Variants in PCDHA1 observed in about 807,000 individuals in gnomAD.
PCDHA1 encodes protocadherin alpha 1.
PCDHA1 carries 42 observed loss-of-function variants against 61.3 expected under a neutral mutation model. That is an observed-to-expected ratio of 0.69 (90% CI 0.54 to 0.89). The LOEUF is 0.89. Ranked by LOEUF, PCDHA1 falls within the 40% of genes least tolerant of loss-of-function variation. The probability of loss-of-function intolerance (pLI) is 0.00; values close to 1 mark genes in which losing one functional copy is unlikely to be tolerated. For missense variants in PCDHA1, 1,256 were observed against 1,235.3 expected (o/e 1.02, Z -0.25); for synonymous variants, 610 against 553.8 (o/e 1.10, Z -1.43).
At chr5:140,983,470 A>G (rs782117929) in intron 3 of PCDHA1, among the ~76,000 whole-genome samples, 16 of 152,224 alleles carry the variant, frequency 1.1e-4, no homozygotes, top group Non-Finnish European at 1.5e-4. Context: ...CATCATGATG[A>G]TAATAGTAGT....
intron 1 of PCDHA1, among the ~76,000 whole-genome samples, chr5:140,892,088 C>T (rs782787174): frequency 1.3e-5 from 2 of 152,122 alleles, no homozygotes; most frequent in Non-Finnish European, 2.9e-5. Flanking sequence ...AGTTTCCTCT[C>T]GAAACTTTCA....
At chr5:140,792,508 C>T (rs1351285669) in intron 1 of PCDHA1, among the ~76,000 whole-genome samples, 3 of 152,162 alleles carry the variant, frequency 2.0e-5, no homozygotes, top group African/African-American at 7.2e-5. Context: ...AATCTCTTTT[C>T]CCCGTTGTGG....
At chr5:140,828,652 T>C (rs1357911961) in intron 1 of PCDHA1, 8 of 1,614,198 alleles carry the variant, frequency 5.0e-6, no homozygotes, top group South Asian at 1.1e-5. Flanking sequence ...TAAACAGTGA[T>C]GACAATAAAC....
At chr5:140,841,755 C>A (rs2150322270) in intron 1 of PCDHA1, 2 of 1,613,886 alleles carry the variant, frequency 1.2e-6, no homozygotes, top group South Asian at 2.2e-5. Context: ...GTTTCAGAAT[C>A]CAGAATGCCA....
At chr5:140,979,051 G>T (rs1554240209) in intron 2 of PCDHA1, 44 bp downstream of exon 2, 1 of 1,609,534 alleles carries the variant, frequency 6.2e-7, no homozygotes, top group South Asian at 1.1e-5. Flanking sequence ...ACCTTAACTT[G>T]GTATGGCTCA....
chr5:140,822,764 C>T, intron 1 of PCDHA1: 1 of 1,613,898 alleles, frequency 6.2e-7, no homozygotes, highest in Admixed American at 1.7e-5. Context: ...TTCCCATTAT[C>T]AGGACACTGT....
chr5:140,814,848 C>G (rs1554126621), intron 1 of PCDHA1: 1 of 152,052 alleles, frequency 6.6e-6, no homozygotes, highest in African/African-American at 2.4e-5. Flanking sequence ...TGAATGTTTG[C>G]CTCATATATT....
intron 1 of PCDHA1, among the ~76,000 whole-genome samples, chr5:140,792,511 C>G (rs771248789): frequency 1.3e-5 from 2 of 152,128 alleles, no homozygotes; most frequent in Non-Finnish European, 2.9e-5. Flanking sequence ...CTCTTTTCCC[C>G]GTTGTGGGGG....
chr5:140,834,270 C>T (rs2150214747), intron 1 of PCDHA1: 4 of 1,049,694 alleles, frequency 3.8e-6, no homozygotes, highest in Non-Finnish European at 5.6e-6. Flanking sequence ...CTCTCTTTCA[C>T]TCTTTGGATG....
chr5:140,913,036 A>G (rs2076178944), intron 1 of PCDHA1, among the ~76,000 whole-genome samples: 3 of 152,190 alleles, frequency 2.0e-5, no homozygotes, highest in African/African-American at 7.2e-5. Context: ...CATCAGATAT[A>G]TTGGCCTGGA....
intron 1 of PCDHA1, chr5:140,796,950 G>A: frequency 6.2e-7 from 1 of 1,613,830 alleles, no homozygotes; most frequent in Non-Finnish European, 8.5e-7. Context: ...TGACAGCCAC[G>A]GCCACCGTGT....
intron 1 of PCDHA1, among the ~76,000 whole-genome samples, chr5:140,951,086 T>A (rs2094547457): frequency 6.6e-6 from 1 of 152,066 alleles, no homozygotes; most frequent in Admixed American, 6.5e-5. Context: ...ATTTTCCTTT[T>A]TTTCTGATAA....
At chr5:140,801,059 T>A (rs1762631881) in intron 1 of PCDHA1, 13 of 1,450,906 alleles carry the variant, frequency 9.0e-6, no homozygotes, top group Non-Finnish European at 1.2e-5. Context: ...CAGCGTGCAT[T>A]ACGTATTCAG....
At chr5:140,990,354 G>GA (rs1554251439) in intron 3 of PCDHA1, among the ~76,000 whole-genome samples, 1 of 152,158 alleles carries the variant, frequency 6.6e-6, no homozygotes, top group Non-Finnish European at 1.5e-5. Context: ...GCCCTGTACA[G>GA]AAAATCTAAT....
chr5:140,870,825 C>T, intron 1 of PCDHA1: 1 of 1,613,726 alleles, frequency 6.2e-7, no homozygotes, highest in Non-Finnish European at 8.5e-7. Flanking sequence ...GCGCGGGAGG[C>T]GCAGTTAACA....
At chr5:140,869,616 G>C (rs1554163306) in intron 1 of PCDHA1, 1 of 1,613,734 alleles carries the variant, frequency 6.2e-7, no homozygotes, top group Non-Finnish European at 8.5e-7. Context: ...TGACCTACAG[G>C]CTAAGTAAAA....
intron 3 of PCDHA1, among the ~76,000 whole-genome samples, chr5:140,985,740 T>C (rs992695405): frequency 1.9e-5 from 1 of 53,688 alleles, no homozygotes; most frequent in Admixed American, 1.9e-4. Context: ...GATGAATTCC[T>C]TTTTTTTTTT....
intron 1 of PCDHA1, chr5:140,851,545 G>T (rs912054365): frequency 2.4e-5 from 22 of 908,160 alleles, no homozygotes; most frequent in Non-Finnish European, 2.7e-5. Flanking sequence ...GATAATTCAA[G>T]AAATGTTGAC....
At chr5:140,846,108 T>C (rs1420527870) in intron 1 of PCDHA1, among the ~76,000 whole-genome samples, 1 of 149,756 alleles carries the variant, frequency 6.7e-6, no homozygotes, top group African/African-American at 2.4e-5. Context: ...ATGTGTAGAC[T>C]ATCTTACTTT....
Sources: gnomAD v4.1 joint callset for allele counts (sites outside exome capture counted in the v4.1 genomes callset) on GRCh38, gnomAD v4.1.1 for gene constraint, MANE v1.5 for transcripts, NCBI Gene and HGNC (gene_info 2026-07-23, HGNC 2026-07-21) for gene names.